Variants in RPS6KA5 observed in about 807,000 individuals in gnomAD.
RPS6KA5 encodes the protein ribosomal protein S6 kinase A5.
RPS6KA5 carries 27 observed loss-of-function variants against 85.5 expected under a neutral mutation model. That is an observed-to-expected ratio of 0.32 (90% CI 0.23 to 0.44). The LOEUF is 0.44. Ranked by LOEUF, RPS6KA5 falls within the 20% of genes least tolerant of loss-of-function variation. RPS6KA5 has a pLI of 1.00. For synonymous variants in RPS6KA5, 334 were observed against 348.2 expected (o/e 0.96, Z 0.46); for missense variants, 811 against 980.9 (o/e 0.83, Z 2.31).
intron 5 of RPS6KA5, among the ~76,000 whole-genome samples, chr14:90,932,298 A>T (rs1460138529): frequency 6.6e-6 from 1 of 151,678 alleles, no homozygotes; most frequent in Non-Finnish European, 1.5e-5. Flanking sequence ...TAATTTTTTT[A>T]TTTTTTTATA....
rs755512871 is a variant in RPS6KA5 at position 90,873,777 on chromosome 14, G to A, written c.2015C>T (p.Pro672Leu). The A allele has an allele frequency of 3.7e-6, 6 of 1,613,538 alleles. No individual in the cohort carries two copies. In the African/African-American group the frequency reaches 8.0e-5, roughly 22 times the overall value. The change falls in exon 16 of 17, where the codon CCA (proline) becomes CTA (leucine). Residue 672 changes from proline to leucine, a missense_variant. Coordinates refer to ENST00000614987, the MANE Select transcript of RPS6KA5 (RefSeq NM_004755.4). ...GCCAGACATTTTAAGCCTTTTGTTT[G>A]GATCTACTGTGAGAAGTCCTTTGGG... Reference protein sequence around the residue: ...DLIQGLLTVDPNKRLKMSGLR... With the variant: ...DLIQGLLTVDLNKRLKMSGLR...
In RPS6KA5 at chr14:90,865,088, CTCT is replaced by C. The variant is rs2032743964; in HGVS notation, c.*6983_*6985del. 1 of 152,202 alleles carries C rather than the reference CTCT, an allele frequency of 6.6e-6. No individual in the cohort carries two copies. The highest frequency in any genetic ancestry group is 1.5e-5 in the Non-Finnish European group (1 of 68,036). The allele number at this position is 152,202 out of a possible 1,614,324, so 9.4% of individuals were successfully genotyped here. A position where few individuals can be genotyped will look rare whatever the true frequency, so the allele number is the denominator to read the frequency against. On this transcript the variant is annotated 3_prime_UTR_variant, in exon 17 of 17. Transcript: ENST00000614987. The stretch of plus-strand genomic sequence containing the variant: ...TCTGTTTTTTTGAGACAGGGTCTCA[CTCT>C]ATCGCCCAGGATGGAATGTAGTGGT...
At chr14:91,060,257 C>A (rs1477404836) in intron 1 of RPS6KA5, 75 bp downstream of exon 1, 2 of 1,001,008 alleles carry the variant, frequency 2.0e-6, no homozygotes, top group Non-Finnish European at 2.4e-6. Flanking sequence ...GCGCCCCCAG[C>A]CCCGCGCGGG....
chr14:91,000,903 G>C (rs1302627530), intron 2 of RPS6KA5, among the ~76,000 whole-genome samples, 185 bp downstream of exon 2: 1 of 152,114 alleles, frequency 6.6e-6, no homozygotes, highest in African/African-American at 2.4e-5. Context: ...CTAAATCCTT[G>C]CCAATTCTTT....
chr14:91,018,980 A>G (rs535853151), intron 1 of RPS6KA5, among the ~76,000 whole-genome samples: 1 of 152,126 alleles, frequency 6.6e-6, no homozygotes, highest in South Asian at 2.1e-4. Flanking sequence ...TATAAATTAC[A>G]AGATATCAAG....
At chr14:91,051,640 A>G (rs1045455640) in intron 1 of RPS6KA5, among the ~76,000 whole-genome samples, 1 of 151,736 alleles carries the variant, frequency 6.6e-6, no homozygotes, top group Non-Finnish European at 1.5e-5. Flanking sequence ...GGTGCCCGCC[A>G]CCGTGCCCAG....
chr14:90,982,135 T>C (rs1346375003), intron 2 of RPS6KA5, among the ~76,000 whole-genome samples: 1 of 152,242 alleles, frequency 6.6e-6, no homozygotes, highest in African/African-American at 2.4e-5. Context: ...ATTCTTTTCT[T>C]TTAGTTTGCA....
At chr14:90,953,799 GGT>G (rs2038354093) in intron 3 of RPS6KA5, among the ~76,000 whole-genome samples, 1 of 152,078 alleles carries the variant, frequency 6.6e-6, no homozygotes, top group Non-Finnish European at 1.5e-5. Context: ...ACTCCACCCT[GGT>G]AAATTTGTGG....
At chr14:91,044,599 T>C (rs1025844976) in intron 1 of RPS6KA5, among the ~76,000 whole-genome samples, 2 of 151,272 alleles carry the variant, frequency 1.3e-5, no homozygotes, top group African/African-American at 2.4e-5. Context: ...CCAGGCTGGG[T>C]GCGGTGGCTC....
intron 1 of RPS6KA5, among the ~76,000 whole-genome samples, chr14:91,030,067 G>C (rs986297968): frequency 6.6e-6 from 1 of 152,160 alleles, no homozygotes; most frequent in Admixed American, 6.5e-5. Context: ...CTGTTCATGT[G>C]AGCAAGCTAA....
intron 7 of RPS6KA5, among the ~76,000 whole-genome samples, chr14:90,919,978 T>C (rs904937052): frequency 6.6e-6 from 1 of 152,164 alleles, no homozygotes; most frequent in Non-Finnish European, 1.5e-5. Context: ...ATCATGACAC[T>C]ATAGATCATA....
chr14:91,016,167 C>T (rs953639041), intron 1 of RPS6KA5, among the ~76,000 whole-genome samples: 8 of 152,134 alleles, frequency 5.3e-5, no homozygotes, highest in African/African-American at 1.2e-4. Flanking sequence ...GGTATCAGCA[C>T]AATTATGTTG....
intron 7 of RPS6KA5, among the ~76,000 whole-genome samples, chr14:90,913,035 C>T (rs558671376): frequency 1.5e-4 from 22 of 151,146 alleles, no homozygotes; most frequent in Admixed American, 5.3e-4. Context: ...CTCAGTCTCC[C>T]GAGTAGCTGG....
At chr14:91,010,621 G>C (rs2041217826) in intron 1 of RPS6KA5, among the ~76,000 whole-genome samples, 1 of 152,198 alleles carries the variant, frequency 6.6e-6, no homozygotes. Flanking sequence ...ACACAGGAAG[G>C]TTGCATTATA....
intron 1 of RPS6KA5, among the ~76,000 whole-genome samples, chr14:91,042,353 C>CA (rs930658443): frequency 1.4e-4 from 20 of 146,710 alleles, no homozygotes; most frequent in South Asian, 6.5e-4. Context: ...ACTAAAAATA[C>CA]AAAAAAAAAT....
At chr14:90,921,265 T>A (rs1234797011) in intron 6 of RPS6KA5, among the ~76,000 whole-genome samples, 3 of 152,170 alleles carry the variant, frequency 2.0e-5, no homozygotes, top group African/African-American at 7.2e-5. Flanking sequence ...TCAGGCAGAC[T>A]AAAATCGTGA....
At chr14:91,025,468 A>G (rs902444901) in intron 1 of RPS6KA5, among the ~76,000 whole-genome samples, 1 of 152,226 alleles carries the variant, frequency 6.6e-6, no homozygotes, top group Non-Finnish European at 1.5e-5. Context: ...TGTAATCTGA[A>G]GATTATCATA....
rs1332065412 is a variant in RPS6KA5 at position 90,941,779 on chromosome 14, T to C, written c.618+1299A>G. Among the ~76,000 whole-genome samples, 5 of 152,264 alleles carry C rather than the reference T, an allele frequency of 3.3e-5. 1 individual carries two copies. The South Asian group carries it at 8.3e-4, about 25-fold the overall frequency. ...TCCCATGTTACTGTCATCCATCTTC[T>C]AAAATGTAGTTGCTATTTTCTCTTT... On this transcript the variant is annotated intron_variant, in intron 5 of 16. Coordinates refer to ENST00000614987, the MANE Select transcript of RPS6KA5 (RefSeq NM_004755.4).
chr14:90,983,799 C>CTCTCTCTCTCTG (rs1566825842), intron 2 of RPS6KA5, among the ~76,000 whole-genome samples: 17 of 119,878 alleles, frequency 1.4e-4, no homozygotes, highest in East Asian at 9.6e-4. Flanking sequence ...CTCTCTCTCT[C>CTCTCTCTCTCTG]TCTCTCTCTC....
Sources: gnomAD v4.1 joint callset for allele counts (sites outside exome capture counted in the v4.1 genomes callset) on GRCh38, gnomAD v4.1.1 for gene constraint, MANE v1.5 for transcripts, NCBI Gene and HGNC (gene_info 2026-07-23, HGNC 2026-07-21) for gene names.